Variants in ARID4A observed in about 807,000 individuals in gnomAD.
ARID4A encodes AT-rich interaction domain 4A.
A neutral mutation model predicts 148.6 loss-of-function variants in ARID4A; 39 were observed. That is an observed-to-expected ratio of 0.26 (90% CI 0.20 to 0.34). ARID4A has a LOEUF of 0.34. Ranked by LOEUF, ARID4A falls within the 10% of genes least tolerant of loss-of-function variation. The pLI is 1.00. For synonymous variants in ARID4A, 475 were observed against 481.2 expected (o/e 0.99, Z 0.17); for missense variants, 1,265 against 1,449.1 (o/e 0.87, Z 2.06).
intron 19 of ARID4A, 71 bp downstream of exon 19, chr14:58,361,113 T>C: frequency 2.7e-6 from 4 of 1,499,202 alleles, no homozygotes; most frequent in South Asian, 1.3e-5. Flanking sequence ...GTGCTCAATT[T>C]TGAGGATGGC....
intron 3 of ARID4A, among the ~76,000 whole-genome samples, chr14:58,302,393 C>A (rs2031247272): frequency 6.6e-6 from 1 of 152,248 alleles, no homozygotes; most frequent in East Asian, 1.9e-4. Context: ...GCTCAGGAGG[C>A]TGAGGCAGGA....
chr14:58,331,062 T>C (rs2033488943), intron 11 of ARID4A, among the ~76,000 whole-genome samples: 1 of 152,224 alleles, frequency 6.6e-6, no homozygotes, highest in African/African-American at 2.4e-5. Context: ...AATACACAAA[T>C]ATGAATTTAT....
intron 23 of ARID4A, among the ~76,000 whole-genome samples, chr14:58,369,700 A>G (rs1439539291): frequency 6.6e-6 from 1 of 152,138 alleles, no homozygotes. Context: ...AACAGCATCA[A>G]GAGTCTTACA....
intron 5 of ARID4A, among the ~76,000 whole-genome samples, chr14:58,317,624 C>CTTTTTTTTTTTTTTTTTT (rs71107933): frequency 2.9e-5 from 2 of 69,888 alleles, no homozygotes; most frequent in African/African-American, 1.3e-4. Context: ...TTATATTTGT[C>CTTTTTTTTTTTTTTTTTT]TTTTTTTTTT....
At chr14:58,343,794 C>T (rs2034226220) in intron 11 of ARID4A, among the ~76,000 whole-genome samples, 1 of 151,534 alleles carries the variant, frequency 6.6e-6, no homozygotes, top group South Asian at 2.1e-4. Flanking sequence ...CGTGCCATTA[C>T]ACTCCAGCCT....
At chr14:58,338,569 G>T (rs1466878087) in intron 11 of ARID4A, among the ~76,000 whole-genome samples, 1 of 152,072 alleles carries the variant, frequency 6.6e-6, no homozygotes, top group Non-Finnish European at 1.5e-5. Flanking sequence ...AGGTGGTAGG[G>T]ATGAAGGAGA....
At chr14:58,326,391 C>T (rs774910472) in intron 8 of ARID4A, among the ~76,000 whole-genome samples, 1 of 152,078 alleles carries the variant, frequency 6.6e-6, no homozygotes, top group African/African-American at 2.4e-5. Context: ...GAGCTGAGAT[C>T]GCGCCACTGC....
intron 3 of ARID4A, among the ~76,000 whole-genome samples, chr14:58,302,148 A>C (rs528540871): frequency 1.8e-4 from 28 of 152,270 alleles, no homozygotes; most frequent in African/African-American, 5.3e-4. Context: ...ACTTGAGGCC[A>C]GGAGTTCAAG....
At chr14:58,331,565 G>A (rs2033521663) in intron 11 of ARID4A, 1 of 152,216 alleles carries the variant, frequency 6.6e-6, no homozygotes, top group African/African-American at 2.4e-5. Flanking sequence ...TGCCAAAAAC[G>A]GGATTAAATA....
chr14:58,351,962 GCAAGA>G (rs1403479854), intron 16 of ARID4A, among the ~76,000 whole-genome samples: 2 of 152,154 alleles, frequency 1.3e-5, no homozygotes, highest in African/African-American at 2.4e-5. Context: ...AGGCAGTCCA[GCAAGA>G]TCAAGGTAGT....
chr14:58,320,599 C>CTTTTT (rs778275420), intron 7 of ARID4A, among the ~76,000 whole-genome samples: 11 of 127,584 alleles, frequency 8.6e-5, no homozygotes, highest in African/African-American at 3.2e-4. Flanking sequence ...ATGACATTGA[C>CTTTTT]TTTTTTTTTT....
Position 58,365,169 on chromosome 14 carries a change from T to C in ARID4A, c.3080T>C (p.Ile1027Thr). ...GTAAAAAGTGAGAGTGATATAACGA[T>C]TGAAGTTGATAGTATTGCTGAAGAA... ...RSVKSESDIT[I>T]EVDSIAEESQ... is the part of the protein sequence containing the mutation. The change falls in exon 20 of 24, where the codon ATT becomes ACT. Residue 1027 changes from isoleucine (I) to threonine (T), a missense_variant. Ile to Thr is a moderately conservative substitution (Grantham distance 89). Around this residue, in one of 9 missense-constraint regions of ARID4A, gnomAD observed 666 missense variants for 730.9 expected, o/e 0.91. Transcript: ENST00000355431. 3 of 1,614,088 alleles carry C rather than the reference T, an allele frequency of 1.9e-6. No homozygotes were observed. Among genetic ancestry groups the C allele is most frequent in the Non-Finnish European group, 2.5e-6 (3 of 1,179,996 alleles).
chr14:58,359,364 G>A, intron 18 of ARID4A, 148 bp downstream of exon 18: 1 of 646,130 alleles, frequency 1.5e-6, no homozygotes, highest in Non-Finnish European at 2.5e-6. Context: ...TCTGCCCCAT[G>A]CATGCATAGC....
At chr14:58,321,832 T>C (rs1291964161) in intron 7 of ARID4A, among the ~76,000 whole-genome samples, 1 of 152,158 alleles carries the variant, frequency 6.6e-6, no homozygotes, top group African/African-American at 2.4e-5. Context: ...GTACATTAAA[T>C]CTTCACAAAA....
At chr14:58,320,171 CT>C (rs2032775222) in intron 7 of ARID4A, among the ~76,000 whole-genome samples, 1 of 151,994 alleles carries the variant, frequency 6.6e-6, no homozygotes, top group African/African-American at 2.4e-5. Flanking sequence ...TGATCTCGAT[CT>C]CTTGACCTCA....
intron 11 of ARID4A, among the ~76,000 whole-genome samples, chr14:58,342,376 C>A (rs958859325): frequency 2.6e-5 from 4 of 151,994 alleles, no homozygotes; most frequent in African/African-American, 9.7e-5. Context: ...TCTCGTGAAA[C>A]CTAAAGCACT....
intron 9 of ARID4A, among the ~76,000 whole-genome samples, chr14:58,329,087 T>C (rs570507933): frequency 2.6e-5 from 4 of 152,302 alleles, no homozygotes; most frequent in African/African-American, 9.6e-5. Context: ...TTTTGAGTTA[T>C]AGTTCTCTGT....
chr14:58,370,715 G>A (rs956176337), intron 23 of ARID4A, among the ~76,000 whole-genome samples: 4 of 150,698 alleles, frequency 2.7e-5, no homozygotes, highest in Non-Finnish European at 5.9e-5. Flanking sequence ...GGGCTCAAGC[G>A]ACTCCCACCT....
Position 58,360,921 on chromosome 14 carries a change from G to C in ARID4A, c.1959G>C (p.Lys653Asn). 1.2e-6 allele frequency: 2 copies of C among 1,614,036 alleles called. No homozygotes were observed. Among genetic ancestry groups the C allele is most frequent in the Non-Finnish European group, 1.7e-6 (2 of 1,179,988 alleles). ...CCCAGAATAAAGAAGATAGTGAAAA[G>C]GACGAAAAGAGAGATGAGGAGAGGC... The part of the protein sequence containing the change: ...KKAKNKEDSE[K>N]DEKRDEERQK... The change falls in exon 19 of 24, where the codon AAG (lysine) becomes AAC (asparagine). Residue 653 changes from lysine (K) to asparagine (N), a missense_variant. Lys to Asn is a moderately conservative substitution (Grantham distance 94, BLOSUM62 0). Coordinates refer to ENST00000355431, the MANE Select transcript of ARID4A (RefSeq NM_002892.4).
Sources: allele counts gnomAD v4.1 joint callset (sites outside exome capture counted in the v4.1 genomes callset), GRCh38; gene constraint gnomAD v4.1.1; regional missense constraint gnomAD v4.1.1; transcripts MANE v1.5; gene names NCBI Gene and HGNC (gene_info 2026-07-23, HGNC 2026-07-21).